Variants in PATJ observed in about 807,000 individuals in gnomAD.
PATJ encodes PATJ crumbs cell polarity complex component.
PATJ carries 190 observed loss-of-function variants against 224.9 expected under a neutral mutation model. The ratio of observed to expected loss-of-function variants is 0.84; its 90% CI spans 0.75 to 0.95. The LOEUF (loss-of-function observed/expected upper bound fraction) is 0.95. PATJ is among the 40% of genes least tolerant of loss of function. The pLI is 0.00. For synonymous variants in PATJ, 769 were observed against 820.3 expected (o/e 0.94, Z 1.07); for missense variants, 2,121 against 2,270.3 (o/e 0.93, Z 1.34).
chr1:62,042,297 T>C (rs1218896381), intron 30 of PATJ, among the ~76,000 whole-genome samples: 1 of 152,210 alleles, frequency 6.6e-6, no homozygotes, highest in Non-Finnish European at 1.5e-5. Context: ...CTCTGGACTG[T>C]TGGCTGTGGT....
intron 14 of PATJ, among the ~76,000 whole-genome samples, chr1:61,811,614 A>G (rs1283545207): frequency 6.6e-6 from 1 of 150,988 alleles, no homozygotes; most frequent in Non-Finnish European, 1.5e-5. Context: ...GATATTTTCT[A>G]TTTAAATGTT....
intron 17 of PATJ, among the ~76,000 whole-genome samples, chr1:61,841,379 C>T (rs1661057148): frequency 6.6e-6 from 1 of 152,098 alleles, no homozygotes; most frequent in African/African-American, 2.4e-5. Context: ...AATCAGTTTA[C>T]AGAATGTAGG....
chr1:62,092,742 ATTTATTTT>A (rs563621139), intron 33 of PATJ, among the ~76,000 whole-genome samples: 140 of 151,374 alleles, frequency 9.2e-4, no homozygotes, highest in African/African-American at 3.3e-3. Context: ...TTATTTATTT[ATTTATTTT>A]TTTATTTTTT....
intron 23 of PATJ, among the ~76,000 whole-genome samples, chr1:61,900,555 T>C (rs1414254861): frequency 6.6e-6 from 1 of 151,168 alleles, no homozygotes; most frequent in African/African-American, 2.4e-5. Flanking sequence ...AAGTCTGTAC[T>C]TTTTGCCGAA....
At chr1:62,110,480 G>C (rs1035514236) in intron 34 of PATJ, among the ~76,000 whole-genome samples, 1 of 152,178 alleles carries the variant, frequency 6.6e-6, no homozygotes, top group Non-Finnish European at 1.5e-5. Context: ...GCCTTTCATG[G>C]TTTTAATACT....
intron 1 of PATJ, among the ~76,000 whole-genome samples, chr1:61,761,242 A>T (rs1645953596): frequency 1.3e-5 from 2 of 151,902 alleles, no homozygotes; most frequent in African/African-American, 2.4e-5. Context: ...CTCCTAAAGT[A>T]CTGGGATCAC....
intron 30 of PATJ, among the ~76,000 whole-genome samples, chr1:62,049,876 T>A (rs1381569512): frequency 6.6e-6 from 1 of 152,128 alleles, no homozygotes; most frequent in East Asian, 1.9e-4. Flanking sequence ...AGACACACTT[T>A]GGAAGGCTGA....
chr1:61,958,964 G>A (rs1209817258), intron 27 of PATJ, among the ~76,000 whole-genome samples: 1 of 152,112 alleles, frequency 6.6e-6, no homozygotes, highest in East Asian at 1.9e-4. Flanking sequence ...CTAAATGTGA[G>A]CCTTTAGCCT....
At chr1:61,837,944 G>A (rs907866143) in intron 17 of PATJ, among the ~76,000 whole-genome samples, 7 of 152,110 alleles carry the variant, frequency 4.6e-5, no homozygotes, top group East Asian at 1.9e-4. Flanking sequence ...GCCTTTATAC[G>A]TGAAATGATC....
chr1:61,964,460 T>G (rs77519247), intron 27 of PATJ, among the ~76,000 whole-genome samples: 33 of 152,278 alleles, frequency 2.2e-4, no homozygotes, highest in East Asian at 1.9e-3. Flanking sequence ...ATTAGCAGAT[T>G]AAAGCTTCCA....
intron 28 of PATJ, among the ~76,000 whole-genome samples, chr1:62,010,650 A>G (rs759303001): frequency 3.9e-5 from 6 of 152,124 alleles, no homozygotes; most frequent in Admixed American, 6.6e-5. Flanking sequence ...TCCATTGTGT[A>G]TATATACCAC....
At chr1:62,017,982 G>C (rs760610888) in intron 29 of PATJ, 35 bp downstream of exon 29, 1 of 1,146,704 alleles carries the variant, frequency 8.7e-7, no homozygotes, top group South Asian at 1.2e-5. Flanking sequence ...CAAAATCAAA[G>C]ACCTCTTCTG....
chr1:62,099,282 G>A (rs1661810959), intron 33 of PATJ, among the ~76,000 whole-genome samples: 2 of 143,528 alleles, frequency 1.4e-5, no homozygotes, highest in African/African-American at 5.2e-5. Context: ...CAAGGCCACA[G>A]ATCCAAACCA....
At chr1:61,844,260 T>A (rs1193809676) in intron 17 of PATJ, among the ~76,000 whole-genome samples, 3 of 152,242 alleles carry the variant, frequency 2.0e-5, no homozygotes, top group Non-Finnish European at 2.9e-5. Flanking sequence ...CCAGCCACAG[T>A]GAATAACCCA....
At chr1:61,881,404 GTTA>G (rs1296931230) in intron 21 of PATJ, among the ~76,000 whole-genome samples, 1 of 99,540 alleles carries the variant, frequency 1.0e-5, no homozygotes, top group Non-Finnish European at 1.9e-5. Flanking sequence ...AGTTAAAACA[GTTA>G]TTTTTTTTTT....
At chr1:61,752,124 GCAAAACATCATCT>G (rs1386248602) in intron 1 of PATJ, among the ~76,000 whole-genome samples, 8 of 109,554 alleles carry the variant, frequency 7.3e-5, no homozygotes, top group Non-Finnish European at 1.1e-4. Context: ...CGCAACAGGA[GCAAAACATCATCT>G]CAAAAAAAAA....
At chr1:61,745,976 T>G (rs1004112391) in intron 1 of PATJ, among the ~76,000 whole-genome samples, 3 of 152,200 alleles carry the variant, frequency 2.0e-5, no homozygotes, top group Non-Finnish European at 4.4e-5. Context: ...CTTACTCTGT[T>G]GCCCAGGCTG....
At chr1:62,149,636 T>C (rs933955572) in intron 42 of PATJ, among the ~76,000 whole-genome samples, 6 of 151,742 alleles carry the variant, frequency 4.0e-5, no homozygotes, top group African/African-American at 7.3e-5. Context: ...AGGACCTTTA[T>C]AGGAAGTACA....
At chr1:61,869,327 C>T (rs189016321) in intron 20 of PATJ, among the ~76,000 whole-genome samples, 1,942 of 151,960 alleles carry the variant, frequency 0.013, 38 homozygotes, top group African/African-American at 0.038. Context: ...GGGATGGTCT[C>T]GATCTCCTGA....
Sources: gnomAD v4.1 joint callset for allele counts (sites outside exome capture counted in the v4.1 genomes callset) on GRCh38, gnomAD v4.1.1 for gene constraint, MANE v1.5 for transcripts, NCBI Gene and HGNC (gene_info 2026-07-23, HGNC 2026-07-21) for gene names.